AGO3: variants seen among roughly 807,000 people sequenced by gnomAD.
The protein encoded by AGO3 is protein argonaute-3.
AGO3 carries 16 observed loss-of-function variants against 105.5 expected under a neutral mutation model. The observed-to-expected ratio is 0.15, with a 90% CI of 0.10 to 0.23. The LOEUF (loss-of-function observed/expected upper bound fraction) is 0.23, where lower values mean the gene tolerates loss of function less well. AGO3 is among the 10% of genes least tolerant of loss of function. The probability of loss-of-function intolerance (pLI) is 1.00; values close to 1 mark genes in which losing one functional copy is unlikely to be tolerated. For missense variants in AGO3, 534 were observed against 1,088.0 expected, an observed-to-expected ratio of 0.49 and a Z score of 7.16; for synonymous variants, 340 against 367.3, an observed-to-expected ratio of 0.93 and a Z score of 0.85.
At chr1:36,046,050 C>G (rs1642455737) in intron 17 of AGO3, among the ~76,000 whole-genome samples, 1 of 152,158 alleles carries the variant, frequency 6.6e-6, no homozygotes, top group Non-Finnish European at 1.5e-5. Flanking sequence ...GCAAGAGGAT[C>G]CCAGCAATCC....
rs959032648 is a variant in AGO3, at chr1:35,931,138, G to A, written c.-289G>A. The A allele has an allele frequency of 2.5e-6, 1 of 397,114 alleles. No homozygotes were observed. Among genetic ancestry groups the A allele is most frequent in the African/African-American group, 2.1e-5 (1 of 48,448 alleles). The allele number at this position is 397,114 out of a possible 1,614,324, so 24.6% of individuals were successfully genotyped here. ...GGCGGCGGCCCGCAGTCGTGGAGGAGCGGTGGGAGCGTCGGCGGCCGCGGG... is the reference window on the plus strand; with the variant it reads ...GGCGGCGGCCCGCAGTCGTGGAGGAACGGTGGGAGCGTCGGCGGCCGCGGG... On this transcript the variant is annotated 5_prime_UTR_variant, in exon 1 of 19. Coordinates refer to ENST00000373191, the MANE Select transcript of AGO3 (RefSeq NM_024852.4).
chr1:36,058,060 T>C lies in AGO3; in HGVS notation c.*2315T>C, dbSNP rs1289760927. On this transcript the variant is annotated 3_prime_UTR_variant, in exon 19 of 19. Coordinates refer to ENST00000373191, the MANE Select transcript of AGO3 (RefSeq NM_024852.4). ...TATTAGAAATAAAGTTGAACTTTTA[T>C]ATAATTGTGAATAGCTTAACATATT... The C allele has an allele frequency of 1.3e-5, 2 of 152,250 alleles. No homozygotes were observed. Among genetic ancestry groups the C allele is most frequent in the South Asian group, 2.1e-4 (1 of 4,834 alleles). 9.4% of individuals were successfully genotyped at this position (152,250 alleles called of 1,614,324 possible).
intron 3 of AGO3, among the ~76,000 whole-genome samples, chr1:35,970,408 T>C (rs572080094): frequency 2.0e-5 from 3 of 152,298 alleles, no homozygotes; most frequent in South Asian, 2.1e-4. Flanking sequence ...CTTTCTTCTT[T>C]AGTTAGATTC....
Position 35,973,879 on chromosome 1 carries a change from C to T in AGO3, c.658+368C>T, listed in dbSNP as rs113992563. Among the ~76,000 whole-genome samples the T allele has an allele frequency of 9.5e-3, 1,445 of 152,192 alleles. 23 individuals carry two copies. Among genetic ancestry groups the T allele is most frequent in the African/African-American group, 0.033 (1,351 of 41,506 alleles). On this transcript the variant is annotated intron_variant, in intron 5 of 18. Coordinates refer to ENST00000373191, the MANE Select transcript of AGO3 (RefSeq NM_024852.4). ...CATGGTGACCCCCAGATGTTATACC[C>T]ACTGCTGGTCTTAATGTGATGCTAA...
At chr1:35,986,512 A>G (rs1313335714) in intron 5 of AGO3, among the ~76,000 whole-genome samples, 2 of 151,914 alleles carry the variant, frequency 1.3e-5, no homozygotes, top group Non-Finnish European at 2.9e-5. Flanking sequence ...CACATGGTAA[A>G]ACCCCATCTC....
intron 17 of AGO3, among the ~76,000 whole-genome samples, chr1:36,052,905 C>T (rs966470690): frequency 2.6e-5 from 4 of 151,892 alleles, no homozygotes; most frequent in African/African-American, 9.7e-5. Context: ...CCAGCTACTC[C>T]GGAGGCTGAG....
At chr1:35,941,113 C>G (rs1294358458) in intron 1 of AGO3, among the ~76,000 whole-genome samples, 1 of 152,156 alleles carries the variant, frequency 6.6e-6, no homozygotes, top group Non-Finnish European at 1.5e-5. Flanking sequence ...TCCAAACTTG[C>G]TACTATCACT....
chr1:36,002,324 ATT>A (rs375411955), intron 5 of AGO3, among the ~76,000 whole-genome samples: 24 of 119,202 alleles, frequency 2.0e-4, no homozygotes, highest in East Asian at 4.5e-4. Context: ...AGCCAAGATA[ATT>A]TTTTTTTTTT....
intron 3 of AGO3, among the ~76,000 whole-genome samples, chr1:35,969,629 T>C (rs1646832107): frequency 6.6e-6 from 1 of 152,202 alleles, no homozygotes; most frequent in South Asian, 2.1e-4. Context: ...TGACACTTTT[T>C]GGGGAATACA....
intron 11 of AGO3, among the ~76,000 whole-genome samples, chr1:36,021,002 G>A (rs756734711): frequency 2.0e-5 from 3 of 151,784 alleles, no homozygotes; most frequent in Non-Finnish European, 4.4e-5. Flanking sequence ...GCACAATCTC[G>A]GCTCATTACA....
chr1:35,985,406 G>GAA (rs1286761257), intron 5 of AGO3, among the ~76,000 whole-genome samples: 4 of 152,296 alleles, frequency 2.6e-5, no homozygotes, highest in Middle Eastern at 3.4e-3. Flanking sequence ...AAATAAAGCA[G>GAA]AAATTGCCCT....
At chr1:35,992,708 T>A (rs188984818) in intron 5 of AGO3, among the ~76,000 whole-genome samples, 1 of 152,364 alleles carries the variant, frequency 6.6e-6, no homozygotes, top group African/African-American at 2.4e-5. Flanking sequence ...AATGTTTGGA[T>A]GGTTAAGTCT....
chr1:35,945,473 A>G (rs1056436756), intron 1 of AGO3, among the ~76,000 whole-genome samples: 2 of 152,118 alleles, frequency 1.3e-5, no homozygotes, highest in African/African-American at 2.4e-5. Flanking sequence ...TGCCCTTTCC[A>G]GAACAGTTTT....
chr1:36,033,075 G>A (rs1214866122), intron 12 of AGO3, among the ~76,000 whole-genome samples: 1 of 152,182 alleles, frequency 6.6e-6, no homozygotes, highest in Non-Finnish European at 1.5e-5. Flanking sequence ...AGAGGTTGCA[G>A]TGAACCGAGA....
chr1:36,021,505 G>A (rs918619673), intron 11 of AGO3, among the ~76,000 whole-genome samples: 1 of 151,994 alleles, frequency 6.6e-6, no homozygotes, highest in Non-Finnish European at 1.5e-5. Context: ...ACTCGATGGA[G>A]TTTAAACATC....
At chr1:35,955,693 C>T (rs1336888016) in intron 2 of AGO3, among the ~76,000 whole-genome samples, 2 of 151,892 alleles carry the variant, frequency 1.3e-5, no homozygotes, top group Admixed American at 1.3e-4. Flanking sequence ...CTCCTGGGCC[C>T]GAGCAATCCT....
At position 36,055,557 on chromosome 1, in the gene AGO3, C is replaced by A; in HGVS notation, c.2475-80C>A. On this transcript the variant is annotated intron_variant, in intron 18 of 18. Transcript: ENST00000373191. This position sits in a 1 kb window ranked among gnomAD's most constrained non-coding sequence, Gnocchi z 4.4. ...TATTTGTTAATAATTTTGAAATTTT[C>A]TACAACAAATAGTATTTTTCGGAAT... 1 of 1,344,476 alleles carries A rather than the reference C, an allele frequency of 7.4e-7. No homozygotes were observed. Among genetic ancestry groups the A allele is most frequent in the Non-Finnish European group, 1.1e-6 (1 of 944,398 alleles). The allele number at this position is 1,344,476 out of a possible 1,614,324, so 83.3% of individuals were successfully genotyped here.
intron 17 of AGO3, among the ~76,000 whole-genome samples, chr1:36,052,322 A>ATAC (rs556296855): frequency 2.0e-4 from 30 of 152,214 alleles, no homozygotes; most frequent in Non-Finnish European, 4.1e-4. Context: ...AGAGAGATAT[A>ATAC]TACTGCATGA....
At chr1:35,972,375 C>CA in intron 4 of AGO3, 143 bp downstream of exon 4, 1 of 982,080 alleles carries the variant, frequency 1.0e-6, no homozygotes, top group Non-Finnish European at 1.5e-6. Context: ...CATACAAATT[C>CA]ATTGACAGGA....
Sources: gnomAD v4.1 joint callset for allele counts (sites outside exome capture counted in the v4.1 genomes callset) on GRCh38, gnomAD v4.1.1 for gene constraint, Gnocchi (gnomAD v3.1) non-coding constraint, MANE v1.5 for transcripts, NCBI Gene and HGNC (gene_info 2026-07-23, HGNC 2026-07-21) for gene names.